Variants in TTC22 observed in about 807,000 individuals in gnomAD.
TTC22 encodes tetratricopeptide repeat protein 22.
TTC22 carries 42 observed loss-of-function variants against 48.2 expected under a neutral mutation model. That is an observed-to-expected ratio of 0.87 (90% CI 0.68 to 1.13). TTC22 has a LOEUF of 1.13. Among genes scored for constraint, TTC22 ranks in the 50% most tolerant of loss-of-function variants. TTC22 has a pLI of 0.00. For synonymous variants in TTC22, 345 were observed against 365.5 expected, an observed-to-expected ratio of 0.94 and a Z score of 0.64; for missense variants, 784 against 807.0, an observed-to-expected ratio of 0.97 and a Z score of 0.34.
intron 1 of TTC22, among the ~76,000 whole-genome samples, chr1:54,796,288 C>T (rs1646389862): frequency 1.3e-5 from 2 of 152,226 alleles, no homozygotes; most frequent in Admixed American, 6.5e-5. Flanking sequence ...GTCCCCACCC[C>T]GCTGGGCGCA....
chr1:54,781,699 G>T lies in TTC22; in HGVS notation c.1254C>A (p.Phe418Leu). 1 of 1,529,212 alleles carries T rather than the reference G, an allele frequency of 6.5e-7. No individual in the cohort carries two copies. The highest frequency in any genetic ancestry group is 8.7e-7 in the Non-Finnish European group (1 of 1,143,604). 94.7% of individuals were successfully genotyped at this position (1,529,212 alleles called of 1,614,324 possible). The change falls in exon 7 of 7, where the codon TTC becomes TTA. Residue 418 changes from phenylalanine (F) to leucine (L), a missense_variant. Phe to Leu is a conservative substitution (Grantham distance 22). Coordinates refer to ENST00000371276, the MANE Select transcript of TTC22 (RefSeq NM_001114108.2). ...GCTCCGACTCGCCCGCCTTGGCCAG[G>T]AACACCAGCGCCTGGTTCAGCGCCG... ...DEAALNQALV[F>L]LAKAGESELG...
At chr1:54,788,391 AG>A (rs1317531346) in intron 1 of TTC22, among the ~76,000 whole-genome samples, 2 of 85,666 alleles carry the variant, frequency 2.3e-5, no homozygotes, top group Non-Finnish European at 4.6e-5. Flanking sequence ...CCCCAACCCC[AG>A]GGCGCACACC....
At chr1:54,796,839 A>G (rs1322111376) in intron 1 of TTC22, among the ~76,000 whole-genome samples, 2 of 152,182 alleles carry the variant, frequency 1.3e-5, no homozygotes, top group African/African-American at 4.8e-5. Context: ...GTTCAGCTCT[A>G]CGTCAGACAT....
At chr1:54,785,730 T>C (rs1249195443) in intron 5 of TTC22, 1 of 479,962 alleles carries the variant, frequency 2.1e-6, no homozygotes. Flanking sequence ...GGAGGATTGC[T>C]TGAGCTTAGG....
intron 1 of TTC22, among the ~76,000 whole-genome samples, chr1:54,793,750 C>T (rs776923405): frequency 3.3e-5 from 5 of 152,260 alleles, no homozygotes; most frequent in East Asian, 1.9e-4. Flanking sequence ...CATTTACATG[C>T]GTTACCCCAT....
Position 54,781,187 on chromosome 1 carries a change from A to T in TTC22, c.*56T>A, listed in dbSNP as rs1158279300. ...GAGTCCATCCGGACCTGGTCCCATCAGCTGGGCGGGGCCTGGGCGGGGTCC... is the reference window on the plus strand; with the variant it reads ...GAGTCCATCCGGACCTGGTCCCATCTGCTGGGCGGGGCCTGGGCGGGGTCC... On this transcript the variant is annotated 3_prime_UTR_variant, in exon 7 of 7. Coordinates refer to ENST00000371276, the MANE Select transcript of TTC22 (RefSeq NM_001114108.2). 3 of 1,278,992 alleles carry T rather than the reference A, an allele frequency of 2.3e-6. No homozygotes were observed. The highest frequency in any genetic ancestry group is 3.0e-6 in the Non-Finnish European group (3 of 986,938). The allele number at this position is 1,278,992 out of a possible 1,614,324, so 79.2% of individuals were successfully genotyped here.
At position 54,796,584 on chromosome 1, in the gene TTC22, C is replaced by T. The variant is rs143771163; in HGVS notation, c.567+4013G>A. Among the ~76,000 whole-genome samples, 36 of 152,378 alleles carry T rather than the reference C, an allele frequency of 2.4e-4. No homozygotes were observed. In the East Asian group the frequency reaches 6.4e-3, roughly 27 times the overall value. On this transcript the variant is annotated intron_variant, in intron 1 of 6. Transcript: ENST00000371276. Reference sequence around the variant, plus strand: ...ATTGCGGGTGTGGTTCCTGTCATTACTCAGGGCCTGCCCTGGTGTGTATGT... The same window carrying T: ...ATTGCGGGTGTGGTTCCTGTCATTATTCAGGGCCTGCCCTGGTGTGTATGT...
intron 1 of TTC22, among the ~76,000 whole-genome samples, chr1:54,794,448 T>C (rs1646375458): frequency 6.6e-6 from 1 of 152,194 alleles, no homozygotes; most frequent in Non-Finnish European, 1.5e-5. Context: ...GATCTTTCAC[T>C]ACCCCAATGA....
intron 1 of TTC22, among the ~76,000 whole-genome samples, chr1:54,789,262 G>A (rs956075328): frequency 5.9e-5 from 9 of 152,240 alleles, no homozygotes; most frequent in African/African-American, 2.2e-4. Flanking sequence ...GAGGAAGTGT[G>A]GGGGATGGGC....
chr1:54,791,456 G>C (rs1646351357), intron 1 of TTC22, among the ~76,000 whole-genome samples: 1 of 152,212 alleles, frequency 6.6e-6, no homozygotes, highest in South Asian at 2.1e-4. Flanking sequence ...GGGCCTCTCA[G>C]GAGTTGTGAG....
At chr1:54,797,549 G>C (rs1036034422) in intron 1 of TTC22, among the ~76,000 whole-genome samples, 2 of 152,126 alleles carry the variant, frequency 1.3e-5, no homozygotes, top group African/African-American at 4.8e-5. Context: ...TTGGGAGGCT[G>C]AGCTGAGAGA....
At position 54,781,630 on chromosome 1, in the gene TTC22, G is replaced by T; in HGVS notation, c.1323C>A (p.Cys441Ter). Residue 441 changes from cysteine to a stop codon, truncating the protein, a stop_gained, in exon 7 of 7, where the codon TGC becomes TGA. Coordinates refer to ENST00000371276, the MANE Select transcript of TTC22 (RefSeq NM_001114108.2). LOFTEE classifies it high-confidence loss of function. ...LPELQLLRGKCLRIKGEDANA... is the reference protein window; with the variant it reads ...LPELQLLRGK ...TGGCGTCCTCGCCCTTGATGCGCAG[G>T]CACTTGCCGCGCAGCAGCTGCAGCT... is the stretch of plus-strand genomic sequence containing the variant. 1 of 1,530,574 alleles carries T rather than the reference G, an allele frequency of 6.5e-7. No individual in the cohort carries two copies. The highest frequency in any genetic ancestry group is 8.7e-7 in the Non-Finnish European group (1 of 1,144,152). The allele number at this position is 1,530,574 out of a possible 1,614,324, so 94.8% of individuals were successfully genotyped here.
intron 4 of TTC22, chr1:54,786,656 TG>T (rs1044095627): frequency 9.4e-6 from 3 of 319,242 alleles, no homozygotes; most frequent in Admixed American, 4.9e-5. Context: ...ACTATGCCAC[TG>T]GGGGTGGAGA....
chr1:54,782,352 G>A lies in TTC22; in HGVS notation c.1146C>T (p.Gly382=). 2 of 1,548,018 alleles carry A rather than the reference G, an allele frequency of 1.3e-6. No individual in the cohort carries two copies. Among genetic ancestry groups the A allele is most frequent in the Non-Finnish European group, 1.7e-6 (2 of 1,145,326 alleles). ...DLEEVVRVCP[G]FKAYLDIGQV... is the part of the protein sequence containing the mutation. ...GGCCGATGTCCAGGTACGCCTTGAA[G>A]CCTGGGCACACCCTGACCACTTCCT... Residue 382 remains glycine, a synonymous_variant, in exon 6 of 7, where the codon GGC becomes GGT. Coordinates refer to ENST00000371276, the MANE Select transcript of TTC22 (RefSeq NM_001114108.2).
chr1:54,783,753 G>C (rs983041961), intron 5 of TTC22, among the ~76,000 whole-genome samples: 3 of 152,226 alleles, frequency 2.0e-5, no homozygotes, highest in Non-Finnish European at 4.4e-5. Flanking sequence ...CACTTTGGGA[G>C]GCTGCAGCTG....
At chr1:54,787,872 G>C in intron 2 of TTC22, 46 bp from the exon 3 acceptor site, 1 of 1,543,792 alleles carries the variant, frequency 6.5e-7, no homozygotes, top group South Asian at 1.1e-5. Flanking sequence ...CCTCCCGGCT[G>C]TCCTGTGTGC....
At chr1:54,797,700 C>T (rs115619337) in intron 1 of TTC22, among the ~76,000 whole-genome samples, 1,978 of 152,326 alleles carry the variant, frequency 0.013, 41 homozygotes, top group African/African-American at 0.045. Flanking sequence ...GACACACCCC[C>T]TCCCATACAA....
intron 4 of TTC22, 52 bp from the exon 5 acceptor site, chr1:54,786,196 A>G: frequency 6.4e-7 from 1 of 1,562,896 alleles, no homozygotes; most frequent in Non-Finnish European, 8.8e-7. Context: ...CATTAGCCAG[A>G]GCTGGCTAAA....
intron 1 of TTC22, among the ~76,000 whole-genome samples, chr1:54,789,659 G>T (rs1646335496): frequency 6.6e-6 from 1 of 151,636 alleles, no homozygotes. Context: ...TCTCGGCTGG[G>T]CAATAAGGAC....
Sources: allele counts gnomAD v4.1 joint callset (sites outside exome capture counted in the v4.1 genomes callset), GRCh38; gene constraint gnomAD v4.1.1; transcripts MANE v1.5; gene names NCBI Gene and HGNC (gene_info 2026-07-23, HGNC 2026-07-21).